The following TSPAN5 variants were observed in gnomAD, a reference collection of about 807,000 sequenced individuals.
TSPAN5 encodes tetraspanin 5.
TSPAN5 carries 10 observed loss-of-function variants against 37.1 expected under a neutral mutation model. The observed-to-expected ratio is 0.27, with a 90% CI of 0.17 to 0.46. The LOEUF is 0.46. Among genes scored for constraint, TSPAN5 ranks in the 20% least tolerant of loss-of-function variants. The probability of loss-of-function intolerance (pLI) is 1.00; values close to 1 mark genes in which losing one functional copy is unlikely to be tolerated. For missense variants in TSPAN5, 195 were observed against 326.6 expected (o/e 0.60, Z 3.11); for synonymous variants, 110 against 118.9 (o/e 0.93, Z 0.48).
At chr4:98,644,513 T>A (rs1175520768) in intron 1 of TSPAN5, among the ~76,000 whole-genome samples, 4 of 152,196 alleles carry the variant, frequency 2.6e-5, no homozygotes, top group African/African-American at 9.7e-5. Flanking sequence ...CCTTTTTTTT[T>A]TAAATTATTA....
At chr4:98,562,661 AAAAACAAAACAAAAC>A (rs371373013) in intron 1 of TSPAN5, among the ~76,000 whole-genome samples, 22 of 151,016 alleles carry the variant, frequency 1.5e-4, no homozygotes, top group Non-Finnish European at 2.1e-4. Context: ...CTCTGTCTCA[AAAAACAAAACAAAAC>A]AAAACAAAAC....
chr4:98,603,382 C>G (rs954020095), intron 1 of TSPAN5, among the ~76,000 whole-genome samples: 7 of 152,204 alleles, frequency 4.6e-5, no homozygotes, highest in African/African-American at 1.7e-4. Context: ...GACATTTACC[C>G]TGGGCCTTTT....
intron 2 of TSPAN5, among the ~76,000 whole-genome samples, chr4:98,495,067 C>T (rs1393601141): frequency 6.6e-6 from 1 of 152,150 alleles, no homozygotes; most frequent in African/African-American, 2.4e-5. Flanking sequence ...GATGGTGGCA[C>T]ATGGAACCAG....
At chr4:98,600,487 GT>G (rs1295075878) in intron 1 of TSPAN5, among the ~76,000 whole-genome samples, 36 of 152,222 alleles carry the variant, frequency 2.4e-4, no homozygotes, top group African/African-American at 8.7e-4. Context: ...CTTTGCTGTC[GT>G]TTCAACAATG....
chr4:98,651,813 G>A (rs949472007), intron 1 of TSPAN5, among the ~76,000 whole-genome samples: 3 of 150,628 alleles, frequency 2.0e-5, no homozygotes, highest in Non-Finnish European at 1.5e-5. Context: ...AGTTAGAGGA[G>A]ATGATTCCTA....
At position 98,510,197 on chromosome 4, in the gene TSPAN5, A is replaced by G. The variant is rs1753574128; in HGVS notation, c.82-2469T>C. Among the ~76,000 whole-genome samples the G allele has an allele frequency of 7.2e-5, 11 of 152,348 alleles. No individual in the cohort carries two copies. In the South Asian group the frequency reaches 1.7e-3, roughly 23 times the overall value. On this transcript the variant is annotated intron_variant, in intron 1 of 7. Transcript: ENST00000305798. Reference sequence around the variant, plus strand: ...TAGGAAAGAGGAAAATGAGGTTTAGAGAGTTTAAATAACTTGCTCAGAGGC... The same window carrying G: ...TAGGAAAGAGGAAAATGAGGTTTAGGGAGTTTAAATAACTTGCTCAGAGGC...
At chr4:98,489,857 G>A (rs886193001) in intron 2 of TSPAN5, among the ~76,000 whole-genome samples, 6 of 152,094 alleles carry the variant, frequency 3.9e-5, no homozygotes, top group Non-Finnish European at 7.3e-5. Context: ...GAGGCTTGCC[G>A]CCACCTTGGA....
chr4:98,646,040 A>T (rs911894187), intron 1 of TSPAN5, among the ~76,000 whole-genome samples: 4 of 151,998 alleles, frequency 2.6e-5, no homozygotes, highest in Non-Finnish European at 5.9e-5. Context: ...GAGCCCAGTT[A>T]TATGGAAGAG....
chr4:98,525,533 A>G (rs947209551), intron 1 of TSPAN5, among the ~76,000 whole-genome samples: 2 of 152,148 alleles, frequency 1.3e-5, no homozygotes, highest in African/African-American at 4.8e-5. Context: ...ACCCTGAACT[A>G]AAATCATGGA....
chr4:98,605,864 C>T (rs1345131373), intron 1 of TSPAN5, among the ~76,000 whole-genome samples: 1 of 152,226 alleles, frequency 6.6e-6, no homozygotes, highest in Non-Finnish European at 1.5e-5. Flanking sequence ...TAAACACCTC[C>T]CTGTAGCTCC....
At chr4:98,530,910 T>C (rs1465917204) in intron 1 of TSPAN5, among the ~76,000 whole-genome samples, 3 of 152,032 alleles carry the variant, frequency 2.0e-5, no homozygotes, top group Non-Finnish European at 4.4e-5. Flanking sequence ...CCCGGCTAAA[T>C]GTTAAAATTT....
chr4:98,649,738 C>T (rs1330857142), intron 1 of TSPAN5, among the ~76,000 whole-genome samples: 1 of 152,172 alleles, frequency 6.6e-6, no homozygotes, highest in Non-Finnish European at 1.5e-5. Flanking sequence ...GTAGCAGAGG[C>T]TTCTGCCACC....
chr4:98,562,088 G>A (rs955360928), intron 1 of TSPAN5, among the ~76,000 whole-genome samples: 9 of 152,154 alleles, frequency 5.9e-5, no homozygotes, highest in African/African-American at 2.2e-4. Context: ...CCTGCACTTT[G>A]CAGATTTTGA....
intron 1 of TSPAN5, among the ~76,000 whole-genome samples, chr4:98,650,216 C>T (rs1390088415): frequency 6.6e-6 from 1 of 152,050 alleles, no homozygotes; most frequent in Non-Finnish European, 1.5e-5. Context: ...CAAGAGTAGC[C>T]GAGGCTCTTC....
At chr4:98,544,789 TTTAAA>T (rs1416768448) in intron 1 of TSPAN5, among the ~76,000 whole-genome samples, 6 of 152,164 alleles carry the variant, frequency 3.9e-5, no homozygotes, top group African/African-American at 7.2e-5. Flanking sequence ...ATAGCTATAA[TTTAAA>T]TTAAGAGTGG....
Position 98,591,811 on chromosome 4 carries a change from T to A in TSPAN5, c.81+66335A>T, listed in dbSNP as rs182697042. On this transcript the variant is annotated intron_variant, in intron 1 of 7. Coordinates refer to ENST00000305798, the MANE Select transcript of TSPAN5 (RefSeq NM_005723.4). The stretch of plus-strand genomic sequence containing the variant: ...CCATTAGTCATCATTTATCTATAAG[T>A]TTAATGCAATTCCAATCAAAACTGC... Among the ~76,000 whole-genome samples the A allele has an allele frequency of 4.8e-3, 733 of 152,054 alleles. 5 individuals are homozygous for A. The highest frequency in any genetic ancestry group is 0.01 in the Middle Eastern group (3 of 294).
chr4:98,633,826 T>C (rs1756797617), intron 1 of TSPAN5, among the ~76,000 whole-genome samples: 1 of 152,154 alleles, frequency 6.6e-6, no homozygotes. Flanking sequence ...ACGCCTGTAA[T>C]ACCAGCAGTT....
At chr4:98,615,539 C>T (rs1349908653) in intron 1 of TSPAN5, among the ~76,000 whole-genome samples, 1 of 152,152 alleles carries the variant, frequency 6.6e-6, no homozygotes, top group Non-Finnish European at 1.5e-5. Flanking sequence ...ACGTTGATGG[C>T]CGGGCGCATG....
At chr4:98,494,405 T>C (rs1352255606) in intron 2 of TSPAN5, among the ~76,000 whole-genome samples, 1 of 150,742 alleles carries the variant, frequency 6.6e-6, no homozygotes, top group African/African-American at 2.4e-5. Flanking sequence ...TGAATCCCAA[T>C]GCTAAGCCAA....
Sources: gnomAD v4.1 joint callset for allele counts (sites outside exome capture counted in the v4.1 genomes callset) on GRCh38, gnomAD v4.1.1 for gene constraint, MANE v1.5 for transcripts, NCBI Gene and HGNC (gene_info 2026-07-23, HGNC 2026-07-21) for gene names.